Variants in XKR6 observed in about 807,000 individuals in gnomAD.
XKR6 encodes the protein XK-related protein 6.
XKR6 carries 22 observed loss-of-function variants against 56.7 expected under a neutral mutation model. That is an observed-to-expected ratio of 0.39 (90% CI 0.28 to 0.55). XKR6 has a LOEUF of 0.55. Among genes scored for constraint, XKR6 ranks in the 20% least tolerant of loss-of-function variants. The pLI is 0.66. For missense variants in XKR6, 852 were observed against 889.0 expected, an observed-to-expected ratio of 0.96 and a Z score of 0.53; for synonymous variants, 524 against 387.8, an observed-to-expected ratio of 1.35 and a Z score of -4.13.
At position 11,135,170 on chromosome 8, in the gene XKR6, C is replaced by T. The variant is rs1223581872; in HGVS notation, c.764+65406G>A. ...TCAGCCTCCCGAGTAGCTGGGACTA[C>T]AGGCGCCCACCAACAAGCCTGGCTA... On this transcript the variant is annotated intron_variant, in intron 1 of 2. Coordinates refer to ENST00000416569, the MANE Select transcript of XKR6 (RefSeq NM_173683.4). 7.3e-5 allele frequency among the ~76,000 whole-genome samples: 11 copies of T among 151,436 alleles called. No homozygotes were observed. In the South Asian group the frequency reaches 1.7e-3, roughly 23 times the overall value.
chr8:11,168,781 A>G (rs1330173128), intron 1 of XKR6, among the ~76,000 whole-genome samples: 1 of 152,166 alleles, frequency 6.6e-6, no homozygotes, highest in African/African-American at 2.4e-5. Flanking sequence ...GCAGGCACAG[A>G]TAAGAAAACT....
At chr8:10,962,106 C>T (rs1384284153) in intron 1 of XKR6, among the ~76,000 whole-genome samples, 4 of 152,168 alleles carry the variant, frequency 2.6e-5, no homozygotes, top group Non-Finnish European at 5.9e-5. Flanking sequence ...CATGACTTTC[C>T]GCGGGGGCGA....
chr8:11,144,773 A>G (rs896546960), intron 1 of XKR6, among the ~76,000 whole-genome samples: 3 of 151,890 alleles, frequency 2.0e-5, no homozygotes, highest in African/African-American at 7.3e-5. Context: ...ACTCCGTAAG[A>G]TAATTAAAGT....
intron 1 of XKR6, among the ~76,000 whole-genome samples, chr8:11,142,607 C>G (rs1800763340): frequency 6.6e-6 from 1 of 152,196 alleles, no homozygotes; most frequent in Non-Finnish European, 1.5e-5. Context: ...ATCCCTGCTC[C>G]TTGCTCCAGC....
intron 1 of XKR6, among the ~76,000 whole-genome samples, chr8:11,074,705 C>T (rs1042332808): frequency 9.9e-5 from 15 of 152,128 alleles, no homozygotes; most frequent in African/African-American, 2.9e-4. Flanking sequence ...GGCAGAGAGA[C>T]GGCGAAGTGG....
chr8:10,924,656 C>G lies in XKR6; in HGVS notation c.939G>C (p.Lys313Asn). 6.2e-7 allele frequency: 1 copy of G among 1,609,282 alleles called. No homozygotes were observed. The highest frequency in any genetic ancestry group is 8.5e-7 in the Non-Finnish European group (1 of 1,177,242). The change falls in exon 2 of 3, where the codon AAG (lysine) becomes AAC (asparagine). Residue 313 changes from lysine to asparagine, a missense_variant. Lys to Asn is a moderately conservative substitution (Grantham distance 94). Coordinates refer to ENST00000416569, the MANE Select transcript of XKR6 (RefSeq NM_173683.4). Reference sequence around the variant, plus strand: ...CACAGGGCAGGGTCTCGGCGCTGTTCTTCTGGAGCATGATGTAGAGCTGTA... The same window carrying G: ...CACAGGGCAGGGTCTCGGCGCTGTTGTTCTGGAGCATGATGTAGAGCTGTA... ...LVLQLYIMLQ[K>N]NSAETLPCVS...
chr8:11,159,184 A>C (rs1173055680), intron 1 of XKR6, among the ~76,000 whole-genome samples: 1 of 152,204 alleles, frequency 6.6e-6, no homozygotes, highest in South Asian at 2.1e-4. Flanking sequence ...TCCACCATAT[A>C]TTCCCAGAGG....
intron 1 of XKR6, among the ~76,000 whole-genome samples, chr8:10,978,457 G>T (rs922027672): frequency 1.1e-4 from 16 of 152,196 alleles, no homozygotes; most frequent in African/African-American, 3.6e-4. Flanking sequence ...TGCATGTGAT[G>T]ATGTGATGGG....
chr8:10,926,589 G>A lies in XKR6; in HGVS notation c.765-1759C>T, dbSNP rs527585396. 2.5e-4 allele frequency among the ~76,000 whole-genome samples: 38 copies of A among 152,374 alleles called. No individual in the cohort carries two copies. The South Asian group carries it at 7.9e-3, about 32-fold the overall frequency. ...GCCCCATCAGGGAGGGATATGGGAG[G>A]AAGGTTGGGGCACCAGGCCCCCCAG... is the stretch of plus-strand genomic sequence containing the variant. On this transcript the variant is annotated intron_variant, in intron 1 of 2. Coordinates refer to ENST00000416569, the MANE Select transcript of XKR6 (RefSeq NM_173683.4).
intron 1 of XKR6, among the ~76,000 whole-genome samples, chr8:10,935,768 T>C (rs1233316742): frequency 7.2e-6 from 1 of 139,226 alleles, no homozygotes; most frequent in Non-Finnish European, 1.6e-5. Flanking sequence ...TGAGAGATAG[T>C]TTGTTATAAT....
At chr8:11,106,731 T>C (rs534275131) in intron 1 of XKR6, 1 of 150,900 alleles carries the variant, frequency 6.6e-6, no homozygotes, top group South Asian at 2.1e-4. Flanking sequence ...GCACCTGTGG[T>C]CCCAGCTACT....
chr8:10,927,848 T>A (rs928851178), intron 1 of XKR6, among the ~76,000 whole-genome samples: 4 of 152,166 alleles, frequency 2.6e-5, no homozygotes, highest in Admixed American at 6.5e-5. Context: ...CAAGCAGACG[T>A]TGGGGCCTAG....
chr8:11,078,612 G>A (rs1214042203), intron 1 of XKR6, among the ~76,000 whole-genome samples: 1 of 152,204 alleles, frequency 6.6e-6, no homozygotes, highest in African/African-American at 2.4e-5. Flanking sequence ...GGACCTGAGG[G>A]TTGTGGCTCC....
At chr8:11,147,096 T>A (rs556794678) in intron 1 of XKR6, among the ~76,000 whole-genome samples, 118 of 151,360 alleles carry the variant, frequency 7.8e-4, no homozygotes, top group Admixed American at 2.5e-3. Context: ...ACAAAATTAA[T>A]AATAATAATA....
At chr8:10,992,755 A>T (rs1351221526) in intron 1 of XKR6, among the ~76,000 whole-genome samples, 1 of 152,184 alleles carries the variant, frequency 6.6e-6, no homozygotes, top group Non-Finnish European at 1.5e-5. Flanking sequence ...CTAGAGAGAA[A>T]GTCTCCAAGA....
chr8:10,977,302 T>TCC (rs1333683614), intron 1 of XKR6, among the ~76,000 whole-genome samples: 7 of 151,828 alleles, frequency 4.6e-5, no homozygotes, highest in Admixed American at 3.9e-4. Context: ...GCCTCAAGGG[T>TCC]CCATTGGTCT....
At position 11,201,204 on chromosome 8, in the gene XKR6, T is replaced by TGCCGTCGCC; in HGVS notation, c.127_135dup (p.Gly43_Gly45dup). ...ATCGAGCTGCTCTCGCCGGGCTCGC[T>TGCCGTCGCC]GCCGTCGCCGCCGCCGCCGCAGCCG... On this transcript the variant is annotated inframe_insertion, in exon 1 of 3. Coordinates refer to ENST00000416569, the MANE Select transcript of XKR6 (RefSeq NM_173683.4). 6.5e-7 allele frequency: 1 copy of TGCCGTCGCC among 1,531,176 alleles called. No homozygotes were observed. The highest frequency in any genetic ancestry group is 1.2e-5 in the South Asian group (1 of 83,938). 94.8% of individuals were successfully genotyped at this position (1,531,176 alleles called of 1,614,324 possible). A position where few individuals can be genotyped will look rare whatever the true frequency, so the allele number is the denominator to read the frequency against.
intron 1 of XKR6, among the ~76,000 whole-genome samples, chr8:11,077,259 G>C (rs891664991): frequency 3.9e-5 from 6 of 152,172 alleles, no homozygotes; most frequent in Non-Finnish European, 8.8e-5. Context: ...GGGGTCCAAA[G>C]CCTCAGCGTG....
At chr8:11,126,635 C>T (rs1420214189) in intron 1 of XKR6, among the ~76,000 whole-genome samples, 1 of 152,048 alleles carries the variant, frequency 6.6e-6, no homozygotes. Context: ...AGTCACCTGC[C>T]GAATTTCCAA....
Sources: allele counts gnomAD v4.1 joint callset (sites outside exome capture counted in the v4.1 genomes callset), GRCh38; gene constraint gnomAD v4.1.1; transcripts MANE v1.5; gene names NCBI Gene and HGNC (gene_info 2026-07-23, HGNC 2026-07-21).